CDH13: variants seen among roughly 807,000 people sequenced by gnomAD.
CDH13 encodes the protein cadherin 13.
CDH13 carries 24 observed loss-of-function variants against 63.8 expected under a neutral mutation model. The observed-to-expected ratio is 0.38, with a 90% CI of 0.27 to 0.53. The LOEUF (loss-of-function observed/expected upper bound fraction) is 0.53. CDH13 is among the 20% of genes least tolerant of loss of function. CDH13 has a pLI of 0.85. For missense variants in CDH13, 1,049 were observed against 903.1 expected, an observed-to-expected ratio of 1.16 and a Z score of -2.07; for synonymous variants, 503 against 355.3, an observed-to-expected ratio of 1.42 and a Z score of -4.67.
chr16:82,803,918 C>A (rs562950368), intron 1 of CDH13, among the ~76,000 whole-genome samples: 1 of 152,212 alleles, frequency 6.6e-6, no homozygotes, highest in South Asian at 2.1e-4. Flanking sequence ...GGTAACAAAA[C>A]TGTAATGTGC....
At chr16:82,720,695 A>T (rs1412983444) in intron 1 of CDH13, among the ~76,000 whole-genome samples, 1 of 151,740 alleles carries the variant, frequency 6.6e-6, no homozygotes, top group Non-Finnish European at 1.5e-5. Flanking sequence ...TTTTCTCATC[A>T]ACATTATAAT....
intron 1 of CDH13, among the ~76,000 whole-genome samples, chr16:82,781,448 A>G (rs1255997114): frequency 6.6e-6 from 1 of 152,026 alleles, no homozygotes; most frequent in Non-Finnish European, 1.5e-5. Flanking sequence ...GGCTAAGGTC[A>G]TTCTCCATCC....
Position 82,745,314 on chromosome 16 carries a change from G to A in CDH13, c.46-113048G>A, listed in dbSNP as rs1048152794. Among the ~76,000 whole-genome samples the A allele has an allele frequency of 1.6e-4, 24 of 152,122 alleles. 1 individual carries two copies. Among genetic ancestry groups the A allele is most frequent in the Admixed American group, 1.5e-3 (23 of 15,276 alleles). The stretch of plus-strand genomic sequence containing the variant: ...CCGAATGCATTATTAAAGATACAAC[G>A]TGTAACTCAGGACTGATTTTGACAT... On this transcript the variant is annotated intron_variant, in intron 1 of 13. Coordinates refer to ENST00000567109, the MANE Select transcript of CDH13 (RefSeq NM_001257.5).
chr16:83,186,465 G>A (rs553898856), intron 4 of CDH13, among the ~76,000 whole-genome samples: 5 of 152,206 alleles, frequency 3.3e-5, no homozygotes, highest in Admixed American at 1.3e-4. Flanking sequence ...TCGACTTTTC[G>A]AGACAGCCTT....
At chr16:83,619,450 T>C (rs961404949) in intron 8 of CDH13, among the ~76,000 whole-genome samples, 26 of 152,368 alleles carry the variant, frequency 1.7e-4, no homozygotes, top group African/African-American at 6.0e-4. Context: ...TTACCAGCCA[T>C]GTGGCTTCAA....
intron 6 of CDH13, among the ~76,000 whole-genome samples, chr16:83,430,383 G>T (rs1235289572): frequency 6.6e-6 from 1 of 152,184 alleles, no homozygotes; most frequent in African/African-American, 2.4e-5. Context: ...AGGGCATAAG[G>T]AAAATGAATA....
At chr16:82,671,052 C>G (rs1056710552) in intron 1 of CDH13, among the ~76,000 whole-genome samples, 1 of 152,152 alleles carries the variant, frequency 6.6e-6, no homozygotes, top group Non-Finnish European at 1.5e-5. Flanking sequence ...CTTGGTAAAT[C>G]CTCATGCCAG....
intron 6 of CDH13, among the ~76,000 whole-genome samples, chr16:83,473,730 T>C (rs1256201396): frequency 3.9e-5 from 6 of 152,178 alleles, no homozygotes; most frequent in Non-Finnish European, 2.9e-5. Flanking sequence ...ATATCTGACA[T>C]GAGCTGTGTG....
chr16:83,691,923 C>T (rs948044466), intron 10 of CDH13, among the ~76,000 whole-genome samples: 15 of 152,204 alleles, frequency 9.9e-5, no homozygotes, highest in African/African-American at 3.6e-4. Context: ...CATTAGATCA[C>T]CCCTCATTTC....
intron 2 of CDH13, among the ~76,000 whole-genome samples, chr16:83,027,285 T>C (rs1166969885): frequency 6.6e-6 from 1 of 152,184 alleles, no homozygotes; most frequent in Non-Finnish European, 1.5e-5. Flanking sequence ...CTCTTGGTTC[T>C]GGTGCAAAAA....
chr16:83,769,947 G>A (rs182524229), intron 11 of CDH13, among the ~76,000 whole-genome samples: 5 of 152,238 alleles, frequency 3.3e-5, no homozygotes, highest in Admixed American at 1.3e-4. Context: ...ACTTGGTTAC[G>A]GTACATGACC....
At chr16:83,240,717 CTTTT>C (rs56753707) in intron 5 of CDH13, among the ~76,000 whole-genome samples, 9,355 of 81,338 alleles carry the variant, frequency 0.12, 971 homozygotes, top group African/African-American at 0.15. Flanking sequence ...CTGTCTTAAT[CTTTT>C]TTTTTTTTTT....
intron 2 of CDH13, among the ~76,000 whole-genome samples, chr16:82,944,995 T>G (rs573539064): frequency 1.1e-4 from 17 of 152,308 alleles, no homozygotes; most frequent in Admixed American, 2.0e-4. Context: ...ATACTGGTAA[T>G]CTGACAGTCT....
At chr16:82,841,082 G>T (rs182086849) in intron 1 of CDH13, among the ~76,000 whole-genome samples, 2 of 152,342 alleles carry the variant, frequency 1.3e-5, no homozygotes, top group Admixed American at 6.5e-5. Flanking sequence ...GGGATGCATG[G>T]CCTGTGGACA....
intron 7 of CDH13, among the ~76,000 whole-genome samples, chr16:83,573,945 T>G (rs1396701536): frequency 6.6e-6 from 1 of 152,106 alleles, no homozygotes; most frequent in Non-Finnish European, 1.5e-5. Context: ...TTGCTCCAGA[T>G]TTCAGTAAAT....
At chr16:83,458,094 C>T (rs147180805) in intron 6 of CDH13, among the ~76,000 whole-genome samples, 11 of 152,234 alleles carry the variant, frequency 7.2e-5, no homozygotes, top group South Asian at 2.1e-4. Context: ...AGACAGAACG[C>T]TCCTAACAGA....
chr16:83,631,740 C>T (rs968970577), intron 8 of CDH13, among the ~76,000 whole-genome samples: 1 of 152,128 alleles, frequency 6.6e-6, no homozygotes, highest in Non-Finnish European at 1.5e-5. Context: ...TAGCAGCTCC[C>T]GGCAGCAGTC....
chr16:82,986,199 A>T (rs1052690001), intron 2 of CDH13, among the ~76,000 whole-genome samples: 2 of 152,188 alleles, frequency 1.3e-5, no homozygotes. Context: ...CTCTGTAGAG[A>T]TCAATACTGT....
intron 8 of CDH13, among the ~76,000 whole-genome samples, chr16:83,669,974 C>A (rs1162188719): frequency 6.6e-6 from 1 of 152,220 alleles, no homozygotes; most frequent in Non-Finnish European, 1.5e-5. Flanking sequence ...TCATGAAATT[C>A]TCTATCTATG....
Sources: allele counts gnomAD v4.1 joint callset (sites outside exome capture counted in the v4.1 genomes callset), GRCh38; gene constraint gnomAD v4.1.1; transcripts MANE v1.5; gene names NCBI Gene and HGNC (gene_info 2026-07-23, HGNC 2026-07-21).